PRELID2: variants seen among roughly 807,000 people sequenced by gnomAD.
The protein encoded by PRELID2 is PRELI domain-containing protein 2.
PRELID2 carries 25 observed loss-of-function variants against 28.4 expected under a neutral mutation model. The observed-to-expected ratio is 0.88, with a 90% CI of 0.64 to 1.23. PRELID2 has a LOEUF of 1.23. Among genes scored for constraint, PRELID2 ranks in the 50% most tolerant of loss-of-function variants. The pLI, the probability that PRELID2 is intolerant of heterozygous loss-of-function variation, is 0.00. For missense variants in PRELID2, 201 were observed against 214.4 expected (o/e 0.94, Z 0.39); for synonymous variants, 76 against 71.6 (o/e 1.06, Z -0.31).
At chr5:145,471,177 C>T (rs944602900), downstream of PRELID2, among the ~76,000 whole-genome samples, 3 of 152,112 alleles carry the variant, frequency 2.0e-5, no homozygotes, top group Admixed American at 2.0e-4. Context: ...CCTCCCCCAA[C>T]ATCCAGGCTA....
chr5:145,644,205 T>C (rs1754156317), intron 1 of PRELID2, among the ~76,000 whole-genome samples: 1 of 136,918 alleles, frequency 7.3e-6, no homozygotes, highest in African/African-American at 3.5e-5. Context: ...GGTATTGGTC[T>C]ATTAAGGATT....
intron 5 of PRELID2, among the ~76,000 whole-genome samples, chr5:145,790,745 A>ATATATC (rs1561611898): frequency 6.9e-6 from 1 of 145,472 alleles, no homozygotes; most frequent in African/African-American, 2.5e-5. Flanking sequence ...ATATATATAT[A>ATATATC]TCAAAATGCC....
At chr5:145,656,466 G>A (rs952213367) in intron 1 of PRELID2, among the ~76,000 whole-genome samples, 7 of 151,900 alleles carry the variant, frequency 4.6e-5, no homozygotes, top group South Asian at 2.1e-4. Context: ...TGTTCATTGC[G>A]GCACTATTCA....
the PRELID2 span, among the ~76,000 whole-genome samples, chr5:145,348,630 T>A: frequency 6.6e-6 from 1 of 151,538 alleles, no homozygotes. Context: ...TTTTCTATTA[T>A]AAATTGCAGC....
chr5:145,330,890 G>A, the PRELID2 span, among the ~76,000 whole-genome samples: 11 of 151,944 alleles, frequency 7.2e-5, no homozygotes, highest in Middle Eastern at 3.4e-3. Flanking sequence ...AGATCTTTCC[G>A]GCTTTCTCCT....
At chr5:145,589,404 A>AC (rs1753196540) in intron 1 of PRELID2, among the ~76,000 whole-genome samples, 1 of 152,168 alleles carries the variant, frequency 6.6e-6, no homozygotes, top group African/African-American at 2.4e-5. Context: ...AAAAGAGTGT[A>AC]ATTTACATGA....
At chr5:145,580,535 G>C (rs1396664445) in intron 1 of PRELID2, among the ~76,000 whole-genome samples, 1 of 152,036 alleles carries the variant, frequency 6.6e-6, no homozygotes, top group Non-Finnish European at 1.5e-5. Context: ...TTTGTCTAGT[G>C]CTGAGTTGAG....
chr5:145,385,166 A>G, the PRELID2 span, among the ~76,000 whole-genome samples: 2 of 152,204 alleles, frequency 1.3e-5, no homozygotes, highest in Non-Finnish European at 2.9e-5. Flanking sequence ...TGCATGTAAA[A>G]TGTACTTCCA....
At chr5:145,633,668 G>C (rs1258361683) in intron 1 of PRELID2, among the ~76,000 whole-genome samples, 1 of 152,184 alleles carries the variant, frequency 6.6e-6, no homozygotes, top group Non-Finnish European at 1.5e-5. Flanking sequence ...TCCTAGGGGA[G>C]ACAGAAAAAT....
At chr5:145,389,188 C>G in the PRELID2 span, among the ~76,000 whole-genome samples, 1 of 152,098 alleles carries the variant, frequency 6.6e-6, no homozygotes, top group Admixed American at 6.6e-5. Context: ...GTCTGCCTCC[C>G]CTACCGCTTG....
chr5:145,285,894 G>A, the PRELID2 span, among the ~76,000 whole-genome samples: 5 of 152,162 alleles, frequency 3.3e-5, no homozygotes, highest in African/African-American at 9.7e-5. Flanking sequence ...TCTGAAAATG[G>A]CTCCACTCTA....
At chr5:145,413,793 A>G in the PRELID2 span, among the ~76,000 whole-genome samples, 8 of 152,098 alleles carry the variant, frequency 5.3e-5, no homozygotes, top group Admixed American at 3.9e-4. Context: ...GAGATCATGC[A>G]GTGTTTGTCT....
At chr5:145,717,439 AATAAT>A (rs1269817683) in intron 1 of PRELID2, among the ~76,000 whole-genome samples, 2 of 152,258 alleles carry the variant, frequency 1.3e-5, no homozygotes, top group East Asian at 3.9e-4. Context: ...TGTTTCAATA[AATAAT>A]ATGTTTTTAA....
chr5:145,404,081 C>T, the PRELID2 span, among the ~76,000 whole-genome samples: 730 of 152,290 alleles, frequency 4.8e-3, 3 homozygotes, highest in East Asian at 0.019. Flanking sequence ...ATATCAACAA[C>T]GGCACCTGTG....
chr5:145,745,192 C>T (rs4358578), intron 1 of PRELID2, among the ~76,000 whole-genome samples: 127,002 of 151,864 alleles, frequency 0.84, 53,391 homozygotes, highest in East Asian at 0.96. Flanking sequence ...AACAAAGCCT[C>T]CAAGAAATAT....
chr5:145,398,787 A>G, the PRELID2 span, among the ~76,000 whole-genome samples: 2 of 152,076 alleles, frequency 1.3e-5, no homozygotes, highest in Non-Finnish European at 2.9e-5. Flanking sequence ...AGAAAACAAA[A>G]CATGTGAATG....
rs10074439 is a variant in PRELID2 at position 145,481,650 on chromosome 5, A to G, written n.71-8335T>C. On this transcript the variant is annotated intron_variant and non_coding_transcript_variant, in intron 1 of 2. Transcript: ENST00000510259. ...AAAAAAAAAAAAAAAAAAAAAAAAA[A>G]AAAGAAAGAAAGAAAGAAAGAAAGA... is the stretch of plus-strand genomic sequence containing the variant. 5.4e-3 allele frequency among the ~76,000 whole-genome samples: 635 copies of G among 117,572 alleles called. 2 individuals carry two copies. Among genetic ancestry groups the G allele is most frequent in the African/African-American group, 0.013 (391 of 30,434 alleles). The allele number at this position is 117,572 out of a possible 152,430, so 77.1% of individuals were successfully genotyped here.
chr5:145,296,605 G>C, the PRELID2 span, among the ~76,000 whole-genome samples: 2 of 151,986 alleles, frequency 1.3e-5, no homozygotes, highest in African/African-American at 4.8e-5. Context: ...TGGACATTTC[G>C]GTTGGCTCCA....
chr5:145,422,510 T>A, the PRELID2 span, among the ~76,000 whole-genome samples: 10 of 152,306 alleles, frequency 6.6e-5, no homozygotes, highest in African/African-American at 9.6e-5. Context: ...TCTCTTTTGA[T>A]CTTTGTTGGT....
Sources: allele counts gnomAD v4.1 joint callset (sites outside exome capture counted in the v4.1 genomes callset), GRCh38; gene constraint gnomAD v4.1.1; transcripts MANE v1.5; gene names NCBI Gene and HGNC (gene_info 2026-07-23, HGNC 2026-07-21).